VPS13B: variants seen among roughly 807,000 people sequenced by gnomAD.
VPS13B encodes intermembrane lipid transfer protein VPS13B.
A neutral mutation model predicts 426.4 loss-of-function variants in VPS13B; 285 were observed. The observed-to-expected ratio is 0.67, with a 90% CI of 0.61 to 0.74. The LOEUF is 0.74. Ranked by LOEUF, VPS13B falls within the 30% of genes least tolerant of loss-of-function variation. VPS13B has a pLI of 0.00. For missense variants in VPS13B, 4,537 were observed against 4,782.6 expected (o/e 0.95, Z 1.51); for synonymous variants, 1,676 against 1,676.4 (o/e 1.00, Z 0.01).
At chr8:99,803,731 C>T (rs1373558982) in intron 43 of VPS13B, among the ~76,000 whole-genome samples, 3 of 152,114 alleles carry the variant, frequency 2.0e-5, no homozygotes, top group Middle Eastern at 3.2e-3. Flanking sequence ...CAATAATAAG[C>T]AACATATTTC....
At chr8:99,560,997 G>A (rs900477860) in intron 31 of VPS13B, among the ~76,000 whole-genome samples, 22 of 152,136 alleles carry the variant, frequency 1.4e-4, no homozygotes, top group East Asian at 3.9e-4. Context: ...CTTATGGTTT[G>A]TGTATGTGTG....
At chr8:99,864,138 C>A (rs1406779054) in intron 58 of VPS13B, among the ~76,000 whole-genome samples, 2 of 152,246 alleles carry the variant, frequency 1.3e-5, no homozygotes, top group Admixed American at 6.5e-5. Context: ...AAACTGAAAT[C>A]TCCTCACTTT....
At chr8:99,754,337 A>G (rs1030212895) in intron 39 of VPS13B, among the ~76,000 whole-genome samples, 2 of 152,178 alleles carry the variant, frequency 1.3e-5, no homozygotes, top group African/African-American at 4.8e-5. Flanking sequence ...ATTGAAAAGT[A>G]TCTCTACTCA....
chr8:99,688,682 A>G (rs1588624565), intron 35 of VPS13B, among the ~76,000 whole-genome samples: 1 of 152,078 alleles, frequency 6.6e-6, no homozygotes. Flanking sequence ...ATCATTAAAC[A>G]TTGTGGGGCC....
Position 99,848,760 on chromosome 8 carries a change from A to G in VPS13B, c.9943-16A>G. 6.2e-7 allele frequency: 1 copy of G among 1,611,698 alleles called. No individual in the cohort carries two copies. Among genetic ancestry groups the G allele is most frequent in the Non-Finnish European group, 8.5e-7 (1 of 1,177,830 alleles). On this transcript the variant is annotated splice_polypyrimidine_tract_variant and intron_variant, in intron 54 of 61. Transcript: ENST00000357162. ...CTTATTTCTTTTTAATCAGATTTTGAATATTCTTTCTGCAGGTTGTGTTCC... is the reference window on the plus strand; with the variant it reads ...CTTATTTCTTTTTAATCAGATTTTGGATATTCTTTCTGCAGGTTGTGTTCC...
chr8:99,507,238 T>A, intron 28 of VPS13B, 35 bp downstream of exon 28: 1 of 1,601,050 alleles, frequency 6.2e-7, no homozygotes, highest in Non-Finnish European at 8.6e-7. Flanking sequence ...TTTTTGAAAA[T>A]GTACTTTAAA....
chr8:99,061,800 G>A (rs1350741041), intron 3 of VPS13B, among the ~76,000 whole-genome samples: 1 of 152,094 alleles, frequency 6.6e-6, no homozygotes, highest in East Asian at 1.9e-4. Context: ...GTCATGATTT[G>A]TGCTAATGTT....
intron 15 of VPS13B, among the ~76,000 whole-genome samples, chr8:99,160,517 G>C (rs1182583821): frequency 6.6e-6 from 1 of 151,828 alleles, no homozygotes; most frequent in African/African-American, 2.4e-5. Flanking sequence ...AAATTAGCCA[G>C]GCATTGTGGT....
intron 34 of VPS13B, among the ~76,000 whole-genome samples, chr8:99,651,282 A>T (rs1829804581): frequency 6.6e-6 from 1 of 152,204 alleles, no homozygotes; most frequent in South Asian, 2.1e-4. Context: ...AGTATAATTC[A>T]TATTCTGCAT....
intron 16 of VPS13B, among the ~76,000 whole-genome samples, chr8:99,188,716 A>G (rs781608964): frequency 6.6e-6 from 1 of 152,190 alleles, no homozygotes; most frequent in Non-Finnish European, 1.5e-5. Context: ...TATTCAGGCC[A>G]TACTTGTTAT....
At chr8:99,202,116 A>G (rs1814367662) in intron 17 of VPS13B, among the ~76,000 whole-genome samples, 2 of 152,216 alleles carry the variant, frequency 1.3e-5, no homozygotes. Context: ...AGACTGAGAT[A>G]ACAACAGTCA....
chr8:99,869,359 C>T (rs900878343), intron 59 of VPS13B, among the ~76,000 whole-genome samples: 2 of 152,304 alleles, frequency 1.3e-5, no homozygotes, highest in African/African-American at 4.8e-5. Flanking sequence ...GCAGGCCTGA[C>T]AAGAGGCAGC....
At chr8:99,160,130 C>T (rs1454863177) in intron 15 of VPS13B, among the ~76,000 whole-genome samples, 1 of 152,052 alleles carries the variant, frequency 6.6e-6, no homozygotes, top group African/African-American at 2.4e-5. Context: ...GCAGTATCTC[C>T]TGGGTATGTC....
In VPS13B at chr8:99,531,070, T is replaced by C. The variant is rs976605543; in HGVS notation, c.4745+10060T>C. ...TGTTCCAAAAAACTAGTAAGTACCATTTGTAGTGCATTCTCCTTGTGTTCC... is the reference window on the plus strand; with the variant it reads ...TGTTCCAAAAAACTAGTAAGTACCACTTGTAGTGCATTCTCCTTGTGTTCC... On this transcript the variant is annotated intron_variant, in intron 30 of 61. Coordinates refer to ENST00000357162, the MANE Select transcript of VPS13B (RefSeq NM_152564.5). Among the ~76,000 whole-genome samples the C allele has an allele frequency of 1.4e-4, 22 of 152,344 alleles. 1 individual carries two copies. The highest frequency in any genetic ancestry group is 5.3e-4 in the African/African-American group (22 of 41,582).
intron 35 of VPS13B, among the ~76,000 whole-genome samples, chr8:99,672,792 C>A (rs1197588200): frequency 6.6e-6 from 1 of 151,782 alleles, no homozygotes; most frequent in Non-Finnish European, 1.5e-5. Context: ...TCACATATGG[C>A]CTTTATTGTG....
At chr8:99,720,821 T>C in intron 38 of VPS13B, 42 bp from the exon 39 acceptor site, 1 of 1,551,424 alleles carries the variant, frequency 6.4e-7, no homozygotes, top group Non-Finnish European at 8.8e-7. Flanking sequence ...TTTGTCATGT[T>C]CCCCTTTAAA....
intron 60 of VPS13B, chr8:99,871,132 C>CAG (rs1817387289): frequency 3.3e-6 from 2 of 597,410 alleles, no homozygotes; most frequent in Admixed American, 2.9e-5. Flanking sequence ...CATACATTGG[C>CAG]AGAGAAACCC....
chr8:99,562,723 G>A (rs973081337), intron 31 of VPS13B, among the ~76,000 whole-genome samples: 1 of 152,010 alleles, frequency 6.6e-6, no homozygotes, highest in African/African-American at 2.4e-5. Flanking sequence ...ATGGTATGAG[G>A]TAAAGGTCCA....
intron 33 of VPS13B, among the ~76,000 whole-genome samples, chr8:99,625,867 C>A (rs76228276): frequency 0.062 from 9,383 of 151,576 alleles, 318 homozygotes; most frequent in African/African-American, 0.076. Context: ...ACAACAACAA[C>A]AAAAAAAACC....
Sources: gnomAD v4.1 joint callset for allele counts (sites outside exome capture counted in the v4.1 genomes callset) on GRCh38, gnomAD v4.1.1 for gene constraint, MANE v1.5 for transcripts, NCBI Gene and HGNC (gene_info 2026-07-23, HGNC 2026-07-21) for gene names.